Variants in HUNK observed in about 807,000 individuals in gnomAD.
HUNK encodes the protein hormonally up-regulated Neu-associated kinase, also known as hormonally up-regulated neu tumor-associated kinase.
In HUNK, 21 loss-of-function variants were observed where a neutral mutation model predicts 61.0. The observed-to-expected ratio is 0.34, with a 90% CI of 0.24 to 0.50. The LOEUF (loss-of-function observed/expected upper bound fraction) is 0.50. Ranked by LOEUF, HUNK falls within the 20% of genes least tolerant of loss-of-function variation. The pLI is 0.98. For synonymous variants in HUNK, 371 were observed against 386.1 expected, an observed-to-expected ratio of 0.96 and a Z score of 0.46; for missense variants, 772 against 945.7, an observed-to-expected ratio of 0.82 and a Z score of 2.41.
At chr21:31,963,977 C>G (rs2052946250) in intron 5 of HUNK, among the ~76,000 whole-genome samples, 1 of 152,172 alleles carries the variant, frequency 6.6e-6, no homozygotes, top group African/African-American at 2.4e-5. Flanking sequence ...CAAACTTAAG[C>G]TTCGAGGGCC....
intron 1 of HUNK, among the ~76,000 whole-genome samples, chr21:31,908,508 G>A (rs554919168): frequency 6.6e-6 from 1 of 152,046 alleles, no homozygotes; most frequent in Non-Finnish European, 1.5e-5. Flanking sequence ...GGGATGAACC[G>A]GTCGGGCAAC....
intron 6 of HUNK, among the ~76,000 whole-genome samples, chr21:31,968,755 A>T (rs9305480): frequency 0.042 from 3,181 of 75,086 alleles, 136 homozygotes; most frequent in African/African-American, 0.13. Context: ...TGTGTGTGTG[A>T]GAGAGAGAGA....
intron 1 of HUNK, among the ~76,000 whole-genome samples, chr21:31,922,490 C>T (rs1461867517): frequency 1.3e-5 from 2 of 151,898 alleles, no homozygotes; most frequent in Admixed American, 6.6e-5. Context: ...CCACGCCCAT[C>T]TAATTTTTGT....
At chr21:31,973,802 A>C (rs2053029862) in intron 6 of HUNK, among the ~76,000 whole-genome samples, 1 of 152,186 alleles carries the variant, frequency 6.6e-6, no homozygotes, top group African/African-American at 2.4e-5. Flanking sequence ...AGGATGACTA[A>C]GTGAATTTAC....
chr21:31,965,245 A>G (rs2052955575), intron 5 of HUNK, among the ~76,000 whole-genome samples: 2 of 152,068 alleles, frequency 1.3e-5, no homozygotes, highest in South Asian at 2.1e-4. Flanking sequence ...GGAGCTAAGT[A>G]ATGAGAACTC....
chr21:31,925,170 G>A (rs1341972089), intron 2 of HUNK, among the ~76,000 whole-genome samples: 1 of 152,202 alleles, frequency 6.6e-6, no homozygotes, highest in East Asian at 1.9e-4. Flanking sequence ...GTTAATGCCA[G>A]TGTGAGGGTT....
chr21:31,939,717 G>GT (rs369967151), intron 2 of HUNK, among the ~76,000 whole-genome samples: 1,312 of 130,446 alleles, frequency 0.01, 14 homozygotes, highest in African/African-American at 0.022. Flanking sequence ...CTCATGTGTT[G>GT]TTTTTTTTTT....
chr21:31,986,546 G>A lies in HUNK; in HGVS notation c.1257+2937G>A, dbSNP rs151202004. Among the ~76,000 whole-genome samples, 815 of 152,002 alleles carry A rather than the reference G, an allele frequency of 5.4e-3. 11 individuals are homozygous for A. Among genetic ancestry groups the A allele is most frequent in the African/African-American group, 0.019 (776 of 41,448 alleles). On this transcript the variant is annotated intron_variant, in intron 8 of 10. Transcript: ENST00000270112. Reference sequence around the variant, plus strand: ...TGTCACTTTCCTGCTTGAGACCTTCGGAGGTTTCCTTCATTTGCCAGGCAG... The same window carrying A: ...TGTCACTTTCCTGCTTGAGACCTTCAGAGGTTTCCTTCATTTGCCAGGCAG...
chr21:31,972,567 C>T (rs775342402), intron 6 of HUNK, among the ~76,000 whole-genome samples: 2 of 152,204 alleles, frequency 1.3e-5, no homozygotes, highest in Non-Finnish European at 2.9e-5. Context: ...TCTTCCAGAA[C>T]ACCCCATACC....
intron 1 of HUNK, among the ~76,000 whole-genome samples, chr21:31,891,784 A>T (rs1248725680): frequency 6.6e-6 from 1 of 152,200 alleles, no homozygotes; most frequent in African/African-American, 2.4e-5. Context: ...TAACCAATCC[A>T]GTAGTCTTTT....
In HUNK at chr21:31,873,161, G is replaced by A. The variant is rs1209959372; in HGVS notation, c.-514G>A. 3.3e-5 allele frequency among the ~76,000 whole-genome samples: 5 copies of A among 152,078 alleles called. No individual in the cohort carries two copies. Among genetic ancestry groups the A allele is most frequent in the African/African-American group, 1.2e-4 (5 of 41,436 alleles). On this transcript the variant is annotated 5_prime_UTR_variant, in exon 1 of 11. Transcript: ENST00000270112. The surrounding 1 kb of genome is among the most constrained non-coding windows in gnomAD (Gnocchi z 6.1). The stretch of plus-strand genomic sequence containing the variant: ...CCAGAGGGCGCCGGCAGCCCGCCGC[G>A]CGCTTCTCTCCGGCGGGAGCGGCCG...
At chr21:31,890,303 G>A (rs1442565955) in intron 1 of HUNK, among the ~76,000 whole-genome samples, 19 of 151,152 alleles carry the variant, frequency 1.3e-4, no homozygotes, top group East Asian at 1.9e-4. Context: ...GTCTCGGCTC[G>A]CTGCAACCTC....
intron 7 of HUNK, among the ~76,000 whole-genome samples, chr21:31,980,379 CTTTT>C (rs35350096): frequency 1.2e-5 from 1 of 84,538 alleles, no homozygotes. Flanking sequence ...CTGTCTTCTT[CTTTT>C]TTTTTTTTTT....
rs552647925 is a variant in HUNK at position 31,954,738 on chromosome 21, G to A, written c.747-4105G>A. 9.2e-5 allele frequency among the ~76,000 whole-genome samples: 14 copies of A among 152,266 alleles called. No homozygotes were observed. In the South Asian group the frequency reaches 1.0e-3, roughly 11 times the overall value. On this transcript the variant is annotated intron_variant, in intron 4 of 10. Transcript: ENST00000270112. ...AAAACACTGCAGAGTTTCTGATTCC[G>A]GAGATGTGCAGTGGCATCCAGGAAT... is the stretch of plus-strand genomic sequence containing the variant.
intron 9 of HUNK, among the ~76,000 whole-genome samples, chr21:31,993,256 C>A (rs1209840291): frequency 6.6e-6 from 1 of 152,154 alleles, no homozygotes; most frequent in African/African-American, 2.4e-5. Flanking sequence ...TACCCATAGA[C>A]CCTAACTGGG....
intron 1 of HUNK, among the ~76,000 whole-genome samples, chr21:31,895,550 A>G (rs999349964): frequency 6.6e-6 from 1 of 152,164 alleles, no homozygotes; most frequent in African/African-American, 2.4e-5. Flanking sequence ...GGCTTTCTCT[A>G]TGTGTAATGG....
intron 9 of HUNK, among the ~76,000 whole-genome samples, chr21:31,994,612 G>A (rs912401623): frequency 2.6e-5 from 4 of 152,162 alleles, no homozygotes; most frequent in Non-Finnish European, 5.9e-5. Context: ...AGGCTTTAGG[G>A]CTGGAAAAAG....
In HUNK at chr21:31,924,412, G is replaced by C. The variant is rs759652169; in HGVS notation, c.262-56G>C. ...TTCTTGGGTTCCTGTGAGTAGCCAAGGCATCGCTATTGTCTGTAATGTCTG... is the reference window on the plus strand; with the variant it reads ...TTCTTGGGTTCCTGTGAGTAGCCAACGCATCGCTATTGTCTGTAATGTCTG... On this transcript the variant is annotated intron_variant, in intron 1 of 10. Coordinates refer to ENST00000270112, the MANE Select transcript of HUNK (RefSeq NM_014586.2). The surrounding 1 kb of genome is among the most constrained non-coding windows in gnomAD (Gnocchi z 5.1). The C allele has an allele frequency of 3.3e-6, 5 of 1,521,852 alleles. No individual in the cohort carries two copies. Among genetic ancestry groups the C allele is most frequent in the Admixed American group, 1.9e-5 (1 of 52,074 alleles). The allele number at this position is 1,521,852 out of a possible 1,614,324, so 94.3% of individuals were successfully genotyped here. A position where few individuals can be genotyped will look rare whatever the true frequency, so the allele number is the denominator to read the frequency against.
chr21:31,965,971 C>T (rs1056490695), intron 5 of HUNK, among the ~76,000 whole-genome samples: 4 of 152,068 alleles, frequency 2.6e-5, no homozygotes, highest in Admixed American at 6.6e-5. Context: ...TGGATAAGTT[C>T]CTTAGTGGCG....
Sources: gnomAD v4.1 joint callset for allele counts (sites outside exome capture counted in the v4.1 genomes callset) on GRCh38, gnomAD v4.1.1 for gene constraint, Gnocchi (gnomAD v3.1) non-coding constraint, MANE v1.5 for transcripts, NCBI Gene and HGNC (gene_info 2026-07-23, HGNC 2026-07-21) for gene names.